Variants in SLC47A1 observed in about 807,000 individuals in gnomAD.
The protein encoded by SLC47A1 is multidrug and toxin extrusion protein 1.
Under a neutral mutation model 65.8 loss-of-function variants are expected in SLC47A1, and 58 were observed. The observed-to-expected ratio is 0.88, with a 90% CI of 0.71 to 1.10. SLC47A1 has a LOEUF of 1.10. SLC47A1 is among the 50% of genes least tolerant of loss of function. The pLI, the probability that SLC47A1 is intolerant of heterozygous loss-of-function variation, is 0.00. For missense variants in SLC47A1, 706 were observed against 719.2 expected (o/e 0.98, Z 0.21); for synonymous variants, 285 against 295.0 (o/e 0.97, Z 0.35).
chr17:19,555,222 T>C lies in SLC47A1; in HGVS notation c.554T>C (p.Leu185Pro), dbSNP rs1308891051. The change falls in exon 7 of 17, where the codon CTG (leucine) becomes CCG (proline). Residue 185 changes from leucine to proline, a missense_variant. Transcript: ENST00000270570. ...GTGTCCTTTTTCCAGGGAATTGTAC[T>C]GCCCCAGATCGTAACTGGAGTTGCA... ...VKYLLNQGIV[L>P]PQIVTGVAAN... The C allele has an allele frequency of 1.9e-6, 3 of 1,614,100 alleles. No individual in the cohort carries two copies. The highest frequency in any genetic ancestry group is 2.5e-6 in the Non-Finnish European group (3 of 1,180,044).
chr17:19,572,728 AT>A (rs887425771), intron 15 of SLC47A1, 51 bp from the exon 16 acceptor site: 1 of 1,558,822 alleles, frequency 6.4e-7, no homozygotes, highest in African/African-American at 1.4e-5. Context: ...GTCAAGTAAA[AT>A]ACCATATTAA....
At chr17:19,548,252 G>A (rs1597497465) in intron 4 of SLC47A1, 119 bp downstream of exon 4, 8 of 1,271,782 alleles carry the variant, frequency 6.3e-6, no homozygotes, top group African/African-American at 5.9e-5. Context: ...ATCTCTCCTT[G>A]GCTGACGTCT....
intron 14 of SLC47A1, chr17:19,567,915 G>A (rs560949228): frequency 6.6e-6 from 1 of 152,322 alleles, no homozygotes; most frequent in African/African-American, 2.4e-5. Context: ...AAGGAAGGGG[G>A]CGGACTTGAG....
intron 2 of SLC47A1, among the ~76,000 whole-genome samples, chr17:19,544,237 C>A (rs1916229128): frequency 6.6e-6 from 1 of 152,222 alleles, no homozygotes. Flanking sequence ...AGCCACTGCA[C>A]CCAGCATGGC....
intron 12 of SLC47A1, among the ~76,000 whole-genome samples, chr17:19,562,063 G>A (rs2084315652): frequency 6.6e-6 from 1 of 152,084 alleles, no homozygotes; most frequent in African/African-American, 2.4e-5. Flanking sequence ...GTGTACATTC[G>A]GACTATATAG....
intron 1 of SLC47A1, among the ~76,000 whole-genome samples, chr17:19,540,319 A>G (rs1443663953): frequency 6.6e-6 from 1 of 152,202 alleles, no homozygotes; most frequent in Non-Finnish European, 1.5e-5. Flanking sequence ...GGAACTGTGG[A>G]GTGTAAACGT....
intron 2 of SLC47A1, among the ~76,000 whole-genome samples, chr17:19,543,588 G>A (rs1916210781): frequency 6.6e-6 from 1 of 152,134 alleles, no homozygotes; most frequent in Admixed American, 6.5e-5. Flanking sequence ...GGTCTGGAAG[G>A]TAAAAATCTA....
chr17:19,534,205 C>T (rs563282697), intron 1 of SLC47A1, 131 bp downstream of exon 1: 4 of 1,222,328 alleles, frequency 3.3e-6, no homozygotes, highest in East Asian at 3.1e-5. Context: ...CGGGGAGCAT[C>T]GTGCCAGGAG....
intron 4 of SLC47A1, among the ~76,000 whole-genome samples, chr17:19,549,143 G>A (rs766210532): frequency 8.6e-5 from 13 of 151,936 alleles, no homozygotes; most frequent in Admixed American, 5.9e-4. Context: ...ATCAAGAAAG[G>A]TTATCAGGGT....
At chr17:19,534,102 C>T (rs1360413705) in intron 1 of SLC47A1, 28 bp downstream of exon 1, 2 of 1,499,000 alleles carry the variant, frequency 1.3e-6, no homozygotes, top group Non-Finnish European at 1.8e-6. Flanking sequence ...AGTGGCAGGC[C>T]GGTACCGGCG....
intron 4 of SLC47A1, among the ~76,000 whole-genome samples, chr17:19,549,206 T>G (rs1193032129): frequency 6.8e-6 from 1 of 146,344 alleles, no homozygotes; most frequent in African/African-American, 2.5e-5. Context: ...CGCAGTTTTG[T>G]TTTTTTTTTT....
At chr17:19,569,370 T>TA (rs10716891) in intron 14 of SLC47A1, among the ~76,000 whole-genome samples, 128 of 147,076 alleles carry the variant, frequency 8.7e-4, no homozygotes, top group Middle Eastern at 7.0e-3. Flanking sequence ...GACTCTACCT[T>TA]AAAAAAAAAA....
intron 2 of SLC47A1, among the ~76,000 whole-genome samples, chr17:19,545,522 A>G (rs1916264529): frequency 7.3e-6 from 1 of 137,778 alleles, no homozygotes; most frequent in Non-Finnish European, 1.6e-5. Context: ...ACAGGGTCTC[A>G]CTCCATTGCC....
chr17:19,575,713 G>A (rs2053758794), intron 16 of SLC47A1, among the ~76,000 whole-genome samples: 1 of 152,056 alleles, frequency 6.6e-6, no homozygotes, highest in Admixed American at 6.6e-5. Context: ...TACTCTTACT[G>A]TTCTGAAGTG....
Position 19,577,786 on chromosome 17 carries a change from A to G in SLC47A1, c.*233A>G, listed in dbSNP as rs1228901104. ...ATGACATGAGTAGTAATTCACCACT[A>G]TCTGAACCAAGCAAGGATCAATGTG... is the stretch of plus-strand genomic sequence containing the variant. On this transcript the variant is annotated 3_prime_UTR_variant, in exon 17 of 17. Coordinates refer to ENST00000270570, the MANE Select transcript of SLC47A1 (RefSeq NM_018242.3). 1.5e-6 allele frequency: 2 copies of G among 1,361,780 alleles called. No homozygotes were observed. Among genetic ancestry groups the G allele is most frequent in the Non-Finnish European group, 1.9e-6 (2 of 1,056,570 alleles). 84.4% of individuals were successfully genotyped at this position (1,361,780 alleles called of 1,614,324 possible). A position where few individuals can be genotyped will look rare whatever the true frequency, so the allele number is the denominator to read the frequency against.
At chr17:19,559,625 A>G (rs533121384) in intron 10 of SLC47A1, among the ~76,000 whole-genome samples, 9 of 152,258 alleles carry the variant, frequency 5.9e-5, no homozygotes, top group African/African-American at 2.2e-4. Context: ...TCCGCCTCCC[A>G]GGTTCAAGCG....
intron 16 of SLC47A1, among the ~76,000 whole-genome samples, chr17:19,574,547 C>T (rs189924860): frequency 6.6e-6 from 1 of 152,196 alleles, no homozygotes; most frequent in South Asian, 2.1e-4. Context: ...TATTGAGGTT[C>T]TATAATGATC....
intron 14 of SLC47A1, among the ~76,000 whole-genome samples, chr17:19,570,491 T>A (rs1400619136): frequency 6.6e-6 from 1 of 152,070 alleles, no homozygotes; most frequent in African/African-American, 2.4e-5. Flanking sequence ...TGTGATTGGT[T>A]AGGGGGATGT....
chr17:19,575,395 T>A (rs1333317252), intron 16 of SLC47A1, among the ~76,000 whole-genome samples: 1 of 147,874 alleles, frequency 6.8e-6, no homozygotes, highest in Non-Finnish European at 1.5e-5. Context: ...TTTCTTATTA[T>A]TATTCCTTTT....
Sources: allele counts gnomAD v4.1 joint callset (sites outside exome capture counted in the v4.1 genomes callset), GRCh38; gene constraint gnomAD v4.1.1; transcripts MANE v1.5; gene names NCBI Gene and HGNC (gene_info 2026-07-23, HGNC 2026-07-21).